The following LAMA2 variants were observed in gnomAD, a reference collection of about 807,000 sequenced individuals.
LAMA2 encodes laminin subunit alpha-2.
In LAMA2, 269 loss-of-function variants were observed where a neutral mutation model predicts 364.8. The observed-to-expected ratio is 0.74, with a 90% CI of 0.67 to 0.82. The LOEUF (loss-of-function observed/expected upper bound fraction) is 0.82. LAMA2 is among the 40% of genes least tolerant of loss of function. The probability of loss-of-function intolerance (pLI) is 0.00; values close to 1 mark genes in which losing one functional copy is unlikely to be tolerated. For missense variants in LAMA2, 3,807 were observed against 3,873.2 expected, an observed-to-expected ratio of 0.98 and a Z score of 0.45; for synonymous variants, 1,379 against 1,370.6, an observed-to-expected ratio of 1.01 and a Z score of -0.14.
intron 1 of LAMA2, among the ~76,000 whole-genome samples, chr6:128,981,010 A>G (rs903380383): frequency 6.6e-6 from 1 of 152,140 alleles, no homozygotes; most frequent in Admixed American, 6.5e-5. Flanking sequence ...CTCAAACTAA[A>G]CAAACGGACT....
intron 1 of LAMA2, among the ~76,000 whole-genome samples, chr6:128,994,135 T>G (rs541890838): frequency 3.4e-4 from 52 of 152,306 alleles, no homozygotes; most frequent in African/African-American, 1.2e-3. Context: ...AAGGATGGAT[T>G]AGGAATCTTT....
At chr6:129,321,040 C>T (rs1583488479) in intron 28 of LAMA2, among the ~76,000 whole-genome samples, 1 of 152,148 alleles carries the variant, frequency 6.6e-6, no homozygotes, top group East Asian at 1.9e-4. Flanking sequence ...CACGACAAAA[C>T]TTGTACACTA....
chr6:128,952,802 C>T (rs1474163735), intron 1 of LAMA2, among the ~76,000 whole-genome samples: 1 of 152,150 alleles, frequency 6.6e-6, no homozygotes, highest in Non-Finnish European at 1.5e-5. Flanking sequence ...AATTGAGCAT[C>T]TATTGACACC....
chr6:129,127,258 C>T (rs1044091109), intron 4 of LAMA2, among the ~76,000 whole-genome samples: 4 of 152,220 alleles, frequency 2.6e-5, no homozygotes, highest in Admixed American at 1.3e-4. Flanking sequence ...CCACAGCCCT[C>T]AGCCTCTGTA....
chr6:129,498,530 A>G (rs1225092036), intron 58 of LAMA2, among the ~76,000 whole-genome samples: 2 of 152,242 alleles, frequency 1.3e-5, no homozygotes, highest in Non-Finnish European at 2.9e-5. Flanking sequence ...CAGTTTCTCA[A>G]TAAACATCTT....
chr6:129,401,800 A>C (rs1426985348), intron 38 of LAMA2, among the ~76,000 whole-genome samples: 2 of 152,052 alleles, frequency 1.3e-5, no homozygotes, highest in African/African-American at 4.8e-5. Context: ...TTAAATAGAT[A>C]GGCTTTTCTT....
intron 3 of LAMA2, among the ~76,000 whole-genome samples, chr6:129,063,164 T>C (rs1789048401): frequency 6.6e-6 from 1 of 152,088 alleles, no homozygotes; most frequent in African/African-American, 2.4e-5. Flanking sequence ...ATTAAAGTAA[T>C]GATAATGGCA....
intron 40 of LAMA2, among the ~76,000 whole-genome samples, chr6:129,405,416 A>G (rs1780197403): frequency 6.6e-6 from 1 of 152,088 alleles, no homozygotes; most frequent in Non-Finnish European, 1.5e-5. Flanking sequence ...ATTTTTTGCC[A>G]ACATGAAGTG....
intron 1 of LAMA2, among the ~76,000 whole-genome samples, chr6:128,914,155 T>C (rs1353246943): frequency 6.6e-6 from 1 of 152,196 alleles, no homozygotes; most frequent in Admixed American, 6.5e-5. Context: ...GCATTTCTAC[T>C]TTAAAAATAG....
chr6:129,060,930 C>T (rs1418211997), intron 3 of LAMA2, among the ~76,000 whole-genome samples: 1 of 152,150 alleles, frequency 6.6e-6, no homozygotes, highest in Non-Finnish European at 1.5e-5. Flanking sequence ...GCGGCAGGGG[C>T]TCAGTGCTGC....
rs890766655 is a variant in LAMA2 at position 129,098,242 on chromosome 6, C to A, written c.466C>A (p.Arg156Ser). 2 of 1,614,054 alleles carry A rather than the reference C, an allele frequency of 1.2e-6. No individual in the cohort carries two copies. Among genetic ancestry groups the A allele is most frequent in the Middle Eastern group, 1.6e-4 (1 of 6,062 alleles). Residue 156 changes from arginine (R) to serine (S), a missense_variant, in exon 4 of 65, where the codon CGC becomes AGC. Physicochemically the swap from Arg to Ser is moderately radical, Grantham distance 110. Transcript: ENST00000421865. ...CCGGCCTGGAAACTGGATTTTGGAA[C>A]GCTCTCTTGATGATGTTGAATACAA... ...SPRPGNWILE[R>S]SLDDVEYKPW...
chr6:129,278,433 A>G (rs1042768631), intron 17 of LAMA2, among the ~76,000 whole-genome samples: 48 of 152,222 alleles, frequency 3.2e-4, no homozygotes, highest in African/African-American at 1.2e-3. Flanking sequence ...TATATATGCT[A>G]CAGAGATGCA....
chr6:129,131,641 G>A (rs1272077659), intron 4 of LAMA2, among the ~76,000 whole-genome samples: 2 of 152,148 alleles, frequency 1.3e-5, no homozygotes, highest in African/African-American at 4.8e-5. Context: ...TACAGATGTC[G>A]AGGTGCACAG....
At chr6:129,438,917 A>G (rs1562564353) in intron 42 of LAMA2, among the ~76,000 whole-genome samples, 155 bp downstream of exon 42, 1 of 152,046 alleles carries the variant, frequency 6.6e-6, no homozygotes, top group Non-Finnish European at 1.5e-5. Context: ...TGTGAGAATG[A>G]GAAACTAAAC....
At chr6:129,090,140 T>C (rs1774727645) in intron 3 of LAMA2, among the ~76,000 whole-genome samples, 1 of 152,176 alleles carries the variant, frequency 6.6e-6, no homozygotes, top group African/African-American at 2.4e-5. Context: ...TTTTTTATTC[T>C]GATATAAAAA....
chr6:129,499,780 C>A (rs954441650), intron 58 of LAMA2, among the ~76,000 whole-genome samples: 2 of 152,104 alleles, frequency 1.3e-5, no homozygotes, highest in Non-Finnish European at 2.9e-5. Context: ...TGCAGTGATG[C>A]AATCATAGCT....
chr6:129,305,914 ATTTC>A (rs1304209270), intron 22 of LAMA2, among the ~76,000 whole-genome samples: 1 of 148,620 alleles, frequency 6.7e-6, no homozygotes, highest in Admixed American at 6.7e-5. Flanking sequence ...TATTCATTTT[ATTTC>A]TTTGGTTTTG....
chr6:129,263,313 A>G (rs1399359208), intron 15 of LAMA2, among the ~76,000 whole-genome samples: 1 of 152,188 alleles, frequency 6.6e-6, no homozygotes, highest in African/African-American at 2.4e-5. Flanking sequence ...GCAAATAGAA[A>G]TAAACGTGAC....
At chr6:129,493,976 T>C (rs1785018733) in intron 58 of LAMA2, among the ~76,000 whole-genome samples, 1 of 152,240 alleles carries the variant, frequency 6.6e-6, no homozygotes. Context: ...ATCAAGCTTT[T>C]TCATTATTTC....
Sources: allele counts gnomAD v4.1 joint callset (sites outside exome capture counted in the v4.1 genomes callset), GRCh38; gene constraint gnomAD v4.1.1; transcripts MANE v1.5; gene names NCBI Gene and HGNC (gene_info 2026-07-23, HGNC 2026-07-21).